CACNA1E: variants seen among roughly 807,000 people sequenced by gnomAD.
The protein encoded by CACNA1E is voltage-dependent R-type calcium channel subunit alpha-1E.
CACNA1E carries 40 observed loss-of-function variants against 259.2 expected under a neutral mutation model. The observed-to-expected ratio is 0.15, with a 90% CI of 0.12 to 0.20. The LOEUF (loss-of-function observed/expected upper bound fraction) is 0.20. Among genes scored for constraint, CACNA1E ranks in the 10% least tolerant of loss-of-function variants. CACNA1E has a pLI of 1.00. For missense variants in CACNA1E, 1,874 were observed against 3,040.1 expected, an observed-to-expected ratio of 0.62 and a Z score of 9.02; for synonymous variants, 1,104 against 1,138.5, an observed-to-expected ratio of 0.97 and a Z score of 0.61.
At chr1:181,748,511 G>C (rs902754595) in intron 25 of CACNA1E, among the ~76,000 whole-genome samples, 3 of 152,134 alleles carry the variant, frequency 2.0e-5, no homozygotes, top group African/African-American at 7.2e-5. Flanking sequence ...GATGCTACAG[G>C]ATAGAAAGGT....
intron 6 of CACNA1E, among the ~76,000 whole-genome samples, chr1:181,647,661 C>T (rs1658407437): frequency 6.6e-6 from 1 of 152,204 alleles, no homozygotes; most frequent in Non-Finnish European, 1.5e-5. Flanking sequence ...CTCTCCTACA[C>T]TGGACAATTT....
In CACNA1E at chr1:181,795,007, C is replaced by T; in HGVS notation, c.6171C>T (p.Ser2057=). The T allele has an allele frequency of 6.2e-7, 1 of 1,614,004 alleles. No homozygotes were observed. The highest frequency in any genetic ancestry group is 8.5e-7 in the Non-Finnish European group (1 of 1,179,876). ...YKSRRRSYHS[S]LRLSAHRLNS... ...CCCGTCGCCGGAGTTACCACTCCTC[C>T]TTGCGGCTGTCAGCCCACCGCCTGA... Residue 2057 remains serine, a synonymous_variant, in exon 46 of 48, where the codon TCC becomes TCT. Coordinates refer to ENST00000367573, the MANE Select transcript of CACNA1E (RefSeq NM_001205293.3).
chr1:181,501,012 C>T (rs1335044989), intron 1 of CACNA1E, among the ~76,000 whole-genome samples: 1 of 152,156 alleles, frequency 6.6e-6, no homozygotes, highest in Non-Finnish European at 1.5e-5. Flanking sequence ...TGATGGGCTC[C>T]AATTCATCAG....
At chr1:181,784,479 C>T (rs1000744975) in intron 40 of CACNA1E, among the ~76,000 whole-genome samples, 182 bp from the exon 41 acceptor site, 2 of 152,132 alleles carry the variant, frequency 1.3e-5, no homozygotes, top group African/African-American at 4.8e-5. Flanking sequence ...AAAAGGGAGC[C>T]AAAATGTGTT....
intron 2 of CACNA1E, among the ~76,000 whole-genome samples, chr1:181,426,308 C>T (rs1299848856): frequency 6.6e-6 from 1 of 151,918 alleles, no homozygotes; most frequent in Non-Finnish European, 1.5e-5. Flanking sequence ...CTTCCTATGT[C>T]AACCCTTATC....
At chr1:181,421,900 G>A (rs1658774998) in intron 2 of CACNA1E, among the ~76,000 whole-genome samples, 1 of 152,162 alleles carries the variant, frequency 6.6e-6, no homozygotes, top group Non-Finnish European at 1.5e-5. Flanking sequence ...CAACAGGCAG[G>A]GACAATATGA....
chr1:181,480,327 C>T (rs1663149455), upstream of CACNA1E, among the ~76,000 whole-genome samples: 1 of 152,156 alleles, frequency 6.6e-6, no homozygotes, highest in African/African-American at 2.4e-5. Context: ...ATTATGTTTG[C>T]CCCTTTCCTT....
chr1:181,739,348 G>A (rs1558330178), intron 25 of CACNA1E, 95 bp downstream of exon 25: 1 of 875,894 alleles, frequency 1.1e-6, no homozygotes, highest in Middle Eastern at 2.2e-4. Context: ...AACATGCAGG[G>A]TGATGCCAAA....
At chr1:181,375,291 C>T (rs1655023443) in intron 1 of CACNA1E, among the ~76,000 whole-genome samples, 2 of 152,094 alleles carry the variant, frequency 1.3e-5, no homozygotes, top group Non-Finnish European at 2.9e-5. Flanking sequence ...TTAATTTTTT[C>T]AAGAAATATT....
At chr1:181,361,546 G>A (rs1215355764) in intron 1 of CACNA1E, among the ~76,000 whole-genome samples, 1 of 152,094 alleles carries the variant, frequency 6.6e-6, no homozygotes, top group Non-Finnish European at 1.5e-5. Flanking sequence ...GCTGGCCCTG[G>A]GCAGAGGCAA....
chr1:181,339,893 T>G (rs1652014706), intron 1 of CACNA1E, among the ~76,000 whole-genome samples: 1 of 152,114 alleles, frequency 6.6e-6, no homozygotes, highest in Non-Finnish European at 1.5e-5. Context: ...TTGTAGTAAA[T>G]TCAGAAAATG....
intron 3 of CACNA1E, among the ~76,000 whole-genome samples, chr1:181,524,504 C>A (rs527375712): frequency 6.6e-6 from 1 of 152,298 alleles, no homozygotes; most frequent in South Asian, 2.1e-4. Flanking sequence ...AATAACCCCC[C>A]AAATTTCAAT....
At chr1:181,541,772 C>T (rs1399429897) in intron 3 of CACNA1E, among the ~76,000 whole-genome samples, 3 of 152,184 alleles carry the variant, frequency 2.0e-5, no homozygotes, top group Non-Finnish European at 4.4e-5. Context: ...AGAGAAGTAG[C>T]AGTCTCAGTG....
intron 6 of CACNA1E, among the ~76,000 whole-genome samples, chr1:181,601,262 A>T (rs144027698): frequency 2.2e-4 from 34 of 152,226 alleles, no homozygotes; most frequent in African/African-American, 7.5e-4. Flanking sequence ...CCTCAAGCTG[A>T]TGTTTTTAAA....
rs761791980 is a variant in CACNA1E, at chr1:181,796,637, T to G, written c.6209-31T>G. ...CATCATTGGTCAGAGTGGACAGAGT[T>G]ATAACCAAGTGCTTTTGTCACCTCT... On this transcript the variant is annotated intron_variant, in intron 46 of 47. Transcript: ENST00000367573. 3.9e-6 allele frequency: 6 copies of G among 1,523,704 alleles called. No homozygotes were observed. In the South Asian group the frequency reaches 7.5e-5, roughly 19 times the overall value. The allele number at this position is 1,523,704 out of a possible 1,614,324, so 94.4% of individuals were successfully genotyped here. A position where few individuals can be genotyped will look rare whatever the true frequency, so the allele number is the denominator to read the frequency against.
rs1432762800 is a variant in CACNA1E at position 181,325,065 on chromosome 1, C to T, written c.-15+6942C>T. ...CGTGCTCAGAGGGGCTCTCAGTCCA[C>T]TCTGCGGACTGCTGACTGAGACTTT... On this transcript the variant is annotated intron_variant, in intron 1 of 11. Transcript: ENST00000524607. 7.1e-4 allele frequency among the ~76,000 whole-genome samples: 108 copies of T among 152,304 alleles called. 2 individuals carry two copies. Among genetic ancestry groups the T allele is most frequent in the Non-Finnish European group, 4.4e-5 (3 of 68,018 alleles).
At chr1:181,473,030 GA>G (rs1472345885) in intron 2 of CACNA1E, among the ~76,000 whole-genome samples, 7 of 151,960 alleles carry the variant, frequency 4.6e-5, no homozygotes, top group Non-Finnish European at 8.8e-5. Flanking sequence ...AAGTATTTGT[GA>G]AAAAAAATTA....
intron 1 of CACNA1E, among the ~76,000 whole-genome samples, chr1:181,493,651 G>A (rs1664501611): frequency 6.6e-6 from 1 of 152,180 alleles, no homozygotes; most frequent in South Asian, 2.1e-4. Flanking sequence ...TGATAGACAT[G>A]GCTCTTGGCA....
rs897139739 is a variant in CACNA1E at position 181,429,161 on chromosome 1, A to T, written c.434+15581A>T. Among the ~76,000 whole-genome samples the T allele has an allele frequency of 3.3e-5, 5 of 152,198 alleles. No homozygotes were observed. The East Asian group carries it at 7.7e-4, about 23-fold the overall frequency. The stretch of plus-strand genomic sequence containing the variant: ...CACAACACTGCACTCCAACCTGGGC[A>T]ACAGAGTGAGATTCCATCTTAAAAA... On this transcript the variant is annotated intron_variant, in intron 2 of 11. Coordinates refer to the CACNA1E transcript ENST00000524607.
Sources: allele counts gnomAD v4.1 joint callset (sites outside exome capture counted in the v4.1 genomes callset), GRCh38; gene constraint gnomAD v4.1.1; transcripts MANE v1.5; gene names NCBI Gene and HGNC (gene_info 2026-07-23, HGNC 2026-07-21).